Variants in ZFHX3 observed in about 807,000 individuals in gnomAD.
ZFHX3 encodes zinc finger homeobox 3.
A neutral mutation model predicts 279.1 loss-of-function variants in ZFHX3; 42 were observed. The observed-to-expected ratio is 0.15, with a 90% CI of 0.12 to 0.19. ZFHX3 has a LOEUF of 0.19. ZFHX3 is among the 10% of genes least tolerant of loss of function. The pLI, the probability that ZFHX3 is intolerant of heterozygous loss-of-function variation, is 1.00. For missense variants in ZFHX3, 4,981 were observed against 4,754.0 expected, an observed-to-expected ratio of 1.05 and a Z score of -1.40; for synonymous variants, 2,293 against 1,957.8, an observed-to-expected ratio of 1.17 and a Z score of -4.52.
At chr16:73,068,596 A>C (rs1965784667) in intron 8 of ZFHX3, among the ~76,000 whole-genome samples, 1 of 152,248 alleles carries the variant, frequency 6.6e-6, no homozygotes, top group African/African-American at 2.4e-5. Flanking sequence ...AGGGAAGTTC[A>C]TACCAGGCCT....
chr16:73,448,088 G>C (rs990529549), intron 3 of ZFHX3, among the ~76,000 whole-genome samples: 2 of 152,152 alleles, frequency 1.3e-5, no homozygotes, highest in African/African-American at 4.8e-5. Context: ...GCCTTGCTGT[G>C]TGTTTGTGGG....
intron 7 of ZFHX3, among the ~76,000 whole-genome samples, chr16:73,128,558 T>C (rs994939075): frequency 6.6e-6 from 1 of 151,778 alleles, no homozygotes; most frequent in Non-Finnish European, 1.5e-5. Context: ...GGCTCTCAGC[T>C]TGGGTACTTA....
chr16:73,838,752 G>A (rs748843889), intron 1 of ZFHX3, among the ~76,000 whole-genome samples: 1 of 135,976 alleles, frequency 7.4e-6, no homozygotes, highest in African/African-American at 3.1e-5. Flanking sequence ...GCGCACATGC[G>A]TGTGTGTGTC....
At chr16:73,323,688 G>A (rs1370133518) in intron 3 of ZFHX3, among the ~76,000 whole-genome samples, 1 of 152,132 alleles carries the variant, frequency 6.6e-6, no homozygotes, top group Non-Finnish European at 1.5e-5. Context: ...ATAGGAAGGG[G>A]CTGACGATCT....
chr16:73,010,754 G>T (rs1373371922), intron 1 of ZFHX3, among the ~76,000 whole-genome samples: 1 of 152,186 alleles, frequency 6.6e-6, no homozygotes, highest in Non-Finnish European at 1.5e-5. Context: ...TACTCCAGGA[G>T]ACATTTACAT....
chr16:73,392,391 C>G (rs1012332586), intron 3 of ZFHX3, among the ~76,000 whole-genome samples: 1 of 110,170 alleles, frequency 9.1e-6, no homozygotes, highest in African/African-American at 3.5e-5. Flanking sequence ...TGTACTCCAG[C>G]CTGGGTGACA....
chr16:73,811,438 CTTTTTTTTT>C (rs34134056), intron 1 of ZFHX3, among the ~76,000 whole-genome samples: 3 of 106,568 alleles, frequency 2.8e-5, no homozygotes, highest in East Asian at 2.7e-4. Context: ...TCAGTCTCTT[CTTTTTTTTT>C]TTTTTTTTTT....
chr16:73,819,109 T>C (rs1250133517), intron 1 of ZFHX3, among the ~76,000 whole-genome samples: 1 of 152,180 alleles, frequency 6.6e-6, no homozygotes, highest in Admixed American at 6.5e-5. Flanking sequence ...AGCTAGTAAT[T>C]GCTATGCAGT....
chr16:73,089,605 G>C (rs1001768559), intron 8 of ZFHX3, among the ~76,000 whole-genome samples: 3 of 152,216 alleles, frequency 2.0e-5, no homozygotes, highest in Non-Finnish European at 4.4e-5. Context: ...ACCCTGCACT[G>C]ACTGGCATGA....
Position 72,958,945 on chromosome 16 carries a change from A to G in ZFHX3, c.1201T>C (p.Leu401=), listed in dbSNP as rs1961412933. ...GAGCTGGTGAGCCCGCCAAGGTTCA[A>G]CAGGGTGCTGGGGGTCAAGAGACCA... ...QAGLLTPSTL[L]NLGGLTSSVL... is the part of the protein sequence containing the mutation. Residue 401 remains leucine, a synonymous_variant, in exon 2 of 10, where the codon TTG becomes CTG. Transcript: ENST00000268489. 2.5e-6 allele frequency: 4 copies of G among 1,599,194 alleles called. No homozygotes were observed. Among genetic ancestry groups the G allele is most frequent in the Non-Finnish European group, 3.4e-6 (4 of 1,172,656 alleles).
At chr16:73,359,679 A>G (rs1301481207) in intron 3 of ZFHX3, among the ~76,000 whole-genome samples, 2 of 152,144 alleles carry the variant, frequency 1.3e-5, no homozygotes, top group Non-Finnish European at 2.9e-5. Flanking sequence ...GAACGTCTGG[A>G]GCTATCTTCT....
At chr16:73,865,157 A>G (rs573386862) in intron 1 of ZFHX3, among the ~76,000 whole-genome samples, 314 of 152,348 alleles carry the variant, frequency 2.1e-3, no homozygotes, top group African/African-American at 7.2e-3. Flanking sequence ...CAATACCAGA[A>G]GTGAGCATCT....
chr16:73,382,327 C>T (rs566323674), intron 3 of ZFHX3, among the ~76,000 whole-genome samples: 2 of 152,224 alleles, frequency 1.3e-5, no homozygotes, highest in East Asian at 3.9e-4. Context: ...TACACAAAGT[C>T]TGAAGATAAC....
intron 3 of ZFHX3, among the ~76,000 whole-genome samples, chr16:72,942,230 G>T (rs1407257039): frequency 6.6e-6 from 1 of 152,186 alleles, no homozygotes; most frequent in Non-Finnish European, 1.5e-5. Context: ...CCCATTATGT[G>T]GCACCTGCCA....
intron 1 of ZFHX3, among the ~76,000 whole-genome samples, chr16:73,711,366 T>C (rs1366053036): frequency 6.6e-6 from 1 of 152,148 alleles, no homozygotes; most frequent in African/African-American, 2.4e-5. Context: ...TGGCTGGGAC[T>C]CCCATAGTAA....
chr16:73,273,080 A>G (rs1597255573), intron 4 of ZFHX3, among the ~76,000 whole-genome samples: 1 of 152,048 alleles, frequency 6.6e-6, no homozygotes, highest in East Asian at 1.9e-4. Context: ...GAAAAATACC[A>G]CTAGACAGGG....
chr16:73,343,444 G>C (rs2016071050), intron 3 of ZFHX3, among the ~76,000 whole-genome samples: 1 of 152,158 alleles, frequency 6.6e-6, no homozygotes, highest in Non-Finnish European at 1.5e-5. Context: ...TGAAGAGGAG[G>C]CCACATGCGG....
intron 2 of ZFHX3, among the ~76,000 whole-genome samples, chr16:73,669,787 C>T (rs1327403737): frequency 2.0e-5 from 3 of 152,274 alleles, no homozygotes; most frequent in East Asian, 1.9e-4. Context: ...CTACTGAGAC[C>T]GTGGCAGCAT....
Position 73,237,986 on chromosome 16 carries a change from C to T in ZFHX3, c.-1104+19061G>A, listed in dbSNP as rs117101127. On this transcript the variant is annotated intron_variant, in intron 5 of 17. Coordinates refer to the ZFHX3 transcript ENST00000641206. ...GCTATCTGCTTTCATTCCTACTTTC[C>T]CATTAAAACTGCTCTAAGTCATTAA... Among the ~76,000 whole-genome samples, 750 of 152,212 alleles carry T rather than the reference C, an allele frequency of 4.9e-3. 5 individuals are homozygous for T. The highest frequency in any genetic ancestry group is 0.01 in the Middle Eastern group (3 of 294).
Sources: gnomAD v4.1 joint callset for allele counts (sites outside exome capture counted in the v4.1 genomes callset) on GRCh38, gnomAD v4.1.1 for gene constraint, MANE v1.5 for transcripts, NCBI Gene and HGNC (gene_info 2026-07-23, HGNC 2026-07-21) for gene names.